RASGRP1: variants seen among roughly 807,000 people sequenced by gnomAD.
The protein encoded by RASGRP1 is RAS guanyl-releasing protein 1.
Under a neutral mutation model 95.1 loss-of-function variants are expected in RASGRP1, and 37 were observed. The ratio of observed to expected loss-of-function variants is 0.39; its 90% CI spans 0.30 to 0.51. The LOEUF (loss-of-function observed/expected upper bound fraction) is 0.51, where lower values mean the gene tolerates loss of function less well. Among genes scored for constraint, RASGRP1 ranks in the 20% least tolerant of loss-of-function variants. The probability of loss-of-function intolerance (pLI) is 0.80; values close to 1 mark genes in which losing one functional copy is unlikely to be tolerated. For missense variants in RASGRP1, 711 were observed against 965.4 expected (o/e 0.74, Z 3.49); for synonymous variants, 325 against 353.4 (o/e 0.92, Z 0.90).
chr15:38,507,647 CTAATATTTGG>C, intron 9 of RASGRP1, 69 bp downstream of exon 9: 1 of 1,440,410 alleles, frequency 6.9e-7, no homozygotes, highest in Non-Finnish European at 9.4e-7. Context: ...GGACTAACAG[CTAATATTTGG>C]TAAGGGGTAT....
chr15:38,537,057 A>AT (rs537058511), intron 2 of RASGRP1, among the ~76,000 whole-genome samples: 10 of 150,946 alleles, frequency 6.6e-5, no homozygotes, highest in African/African-American at 7.3e-5. Flanking sequence ...TGTTCTGGCT[A>AT]TTTTTTTTCT....
rs139879767 is a variant in RASGRP1, at chr15:38,519,151, T to C, written c.389+158A>G. The stretch of plus-strand genomic sequence containing the variant: ...AAAGGTTGGTATAAAATAATTAAGC[T>C]CAAGTACACCAGAGAAAATTCACTG... On this transcript the variant is annotated intron_variant, in intron 4 of 16. Transcript: ENST00000310803. Among the ~76,000 whole-genome samples the C allele has an allele frequency of 4.3e-3, 655 of 152,310 alleles. 4 individuals carry two copies. The highest frequency in any genetic ancestry group is 0.015 in the African/African-American group (631 of 41,556).
intron 9 of RASGRP1, among the ~76,000 whole-genome samples, chr15:38,506,746 A>C (rs1273860287): frequency 6.6e-6 from 1 of 152,140 alleles, no homozygotes. Context: ...GTCTATGGAT[A>C]GGCTTCAAGG....
intron 6 of RASGRP1, 93 bp downstream of exon 6, chr15:38,516,104 T>C (rs1891771626): frequency 7.0e-7 from 1 of 1,426,878 alleles, no homozygotes; most frequent in Non-Finnish European, 9.7e-7. Flanking sequence ...TGAGGGGGCC[T>C]CTAAGGTTAT....
At chr15:38,508,055 T>C in intron 8 of RASGRP1, 54 bp from the exon 9 acceptor site, 1 of 1,529,466 alleles carries the variant, frequency 6.5e-7, no homozygotes, top group Non-Finnish European at 8.8e-7. Flanking sequence ...GTGCATTGTC[T>C]GTAATGAGGA....
intron 2 of RASGRP1, among the ~76,000 whole-genome samples, chr15:38,550,188 T>C (rs540099637): frequency 4.9e-5 from 7 of 143,846 alleles, no homozygotes; most frequent in Middle Eastern, 3.6e-3. Flanking sequence ...AGGTGGAGGT[T>C]GCAGTGAGCC....
At chr15:38,549,945 G>A (rs1365808144) in intron 2 of RASGRP1, among the ~76,000 whole-genome samples, 1 of 152,030 alleles carries the variant, frequency 6.6e-6, no homozygotes, top group African/African-American at 2.4e-5. Context: ...TCACCCAGTT[G>A]CTAACTTAAT....
intron 3 of RASGRP1, among the ~76,000 whole-genome samples, chr15:38,521,502 T>A (rs1891999146): frequency 6.6e-6 from 1 of 152,138 alleles, no homozygotes; most frequent in Non-Finnish European, 1.5e-5. Flanking sequence ...CTGGGCATCA[T>A]TCAGAGGTCC....
chr15:38,492,181 G>A (rs1178948196), intron 16 of RASGRP1, among the ~76,000 whole-genome samples: 4 of 152,140 alleles, frequency 2.6e-5, no homozygotes, highest in South Asian at 2.1e-4. Flanking sequence ...TCTAACCCAC[G>A]TTTTGCCACC....
intron 2 of RASGRP1, among the ~76,000 whole-genome samples, chr15:38,538,200 G>T (rs980589647): frequency 1.3e-5 from 2 of 152,166 alleles, no homozygotes; most frequent in Non-Finnish European, 2.9e-5. Context: ...GGAGGCGGAG[G>T]TTGCAGTGAG....
chr15:38,522,902 A>G (rs1338735209), intron 3 of RASGRP1, among the ~76,000 whole-genome samples: 2 of 152,172 alleles, frequency 1.3e-5, no homozygotes, highest in African/African-American at 4.8e-5. Context: ...GCTTTGTAGG[A>G]AAGAATTTCA....
chr15:38,550,360 A>G (rs1893290735), intron 2 of RASGRP1, among the ~76,000 whole-genome samples: 1 of 152,146 alleles, frequency 6.6e-6, no homozygotes, highest in Non-Finnish European at 1.5e-5. Flanking sequence ...TCACTGTAAT[A>G]CAAAATAAAA....
chr15:38,557,627 G>GTA (rs1161829712), intron 2 of RASGRP1, among the ~76,000 whole-genome samples: 1 of 147,846 alleles, frequency 6.8e-6, no homozygotes, highest in African/African-American at 2.7e-5. Context: ...GTGTGTGTGT[G>GTA]TGTATATATA....
At chr15:38,556,865 G>T (rs1012249932) in intron 2 of RASGRP1, among the ~76,000 whole-genome samples, 2 of 152,182 alleles carry the variant, frequency 1.3e-5, no homozygotes, top group African/African-American at 2.4e-5. Flanking sequence ...CTTTAAAACA[G>T]TTTCTTTCCC....
intron 2 of RASGRP1, among the ~76,000 whole-genome samples, chr15:38,554,004 T>G (rs1410008991): frequency 1.3e-5 from 2 of 152,224 alleles, no homozygotes; most frequent in Non-Finnish European, 2.9e-5. Flanking sequence ...CGACAGTATT[T>G]CTCAACATCC....
At chr15:38,525,591 T>G (rs1400976179) in intron 3 of RASGRP1, among the ~76,000 whole-genome samples, 1 of 152,156 alleles carries the variant, frequency 6.6e-6, no homozygotes, top group East Asian at 1.9e-4. Flanking sequence ...TGCTGTAAGA[T>G]GAAACGCGGG....
intron 10 of RASGRP1, 143 bp from the exon 11 acceptor site, chr15:38,503,519 C>T: frequency 1.4e-6 from 1 of 694,772 alleles, no homozygotes. Context: ...AACCCACAGG[C>T]AATTGAAATC....
intron 12 of RASGRP1, among the ~76,000 whole-genome samples, chr15:38,501,860 T>TTTG (rs1165599663): frequency 6.6e-6 from 1 of 151,586 alleles, no homozygotes; most frequent in Non-Finnish European, 1.5e-5. Flanking sequence ...AGTTTTTGTT[T>TTTG]TTTTTTTTTT....
chr15:38,560,669 T>C (rs753450378), intron 1 of RASGRP1, among the ~76,000 whole-genome samples: 47 of 152,316 alleles, frequency 3.1e-4, no homozygotes, highest in Non-Finnish European at 5.0e-4. Flanking sequence ...TTACAAATCT[T>C]GGTTGGTTTT....
Sources: gnomAD v4.1 joint callset for allele counts (sites outside exome capture counted in the v4.1 genomes callset) on GRCh38, gnomAD v4.1.1 for gene constraint, MANE v1.5 for transcripts, NCBI Gene and HGNC (gene_info 2026-07-23, HGNC 2026-07-21) for gene names.